The following PHC2 variants were observed in gnomAD, a reference collection of about 807,000 sequenced individuals.
The protein encoded by PHC2 is polyhomeotic homolog 2, also known as polyhomeotic-like protein 2.
A neutral mutation model predicts 87.4 loss-of-function variants in PHC2; 29 were observed. That is an observed-to-expected ratio of 0.33 (90% CI 0.25 to 0.45). PHC2 has a LOEUF of 0.45. Among genes scored for constraint, PHC2 ranks in the 20% least tolerant of loss-of-function variants. PHC2 has a pLI of 1.00. For missense variants in PHC2, 857 were observed against 1,136.7 expected, an observed-to-expected ratio of 0.75 and a Z score of 3.54; for synonymous variants, 438 against 461.7, an observed-to-expected ratio of 0.95 and a Z score of 0.66.
intron 1 of PHC2, among the ~76,000 whole-genome samples, chr1:33,406,956 C>T (rs1219543501): frequency 6.6e-6 from 1 of 152,206 alleles, no homozygotes; most frequent in Non-Finnish European, 1.5e-5. Flanking sequence ...CCCTATCTTG[C>T]ATATGATCTA....
In PHC2 at chr1:33,344,032, A is replaced by G. The variant is rs1465021522; in HGVS notation, c.1559-9740T>C. Among the ~76,000 whole-genome samples, 3 of 152,362 alleles carry G rather than the reference A, an allele frequency of 2.0e-5. No homozygotes were observed. In the East Asian group the frequency reaches 5.8e-4, roughly 29 times the overall value. ...AAGGGGGGTTTTAAGCAGACAGTGC[A>G]GAAGAACCCTAGAAACCAAAAGAAA... On this transcript the variant is annotated intron_variant, in intron 9 of 14. Coordinates refer to ENST00000683057, the MANE Select transcript of PHC2 (RefSeq NM_001385109.1).
chr1:33,364,359 GACAC>G lies in PHC2; in HGVS notation c.976+2753_976+2756del, dbSNP rs34902529. Among the ~76,000 whole-genome samples the G allele has an allele frequency of 0.022, 3,189 of 145,656 alleles. 87 individuals carry two copies. Among genetic ancestry groups the G allele is most frequent in the African/African-American group, 0.069 (2,712 of 39,050 alleles). On this transcript the variant is annotated intron_variant, in intron 7 of 14. Transcript: ENST00000683057. This position sits in a 1 kb window ranked among gnomAD's most constrained non-coding sequence, Gnocchi z 4.1. ...GCGCTCGCTTGCTTTCTCTCTCCCA[GACAC>G]ACACACACACACACACACACTTGCT...
At chr1:33,413,292 G>C (rs6672188) in intron 1 of PHC2, among the ~76,000 whole-genome samples, 73,186 of 152,062 alleles carry the variant, frequency 0.48, 18,986 homozygotes, top group South Asian at 0.62. Flanking sequence ...TTATAACCAA[G>C]GTTGTCTGTA....
At chr1:33,362,855 T>A (rs1404989692) in intron 7 of PHC2, among the ~76,000 whole-genome samples, 4 of 152,218 alleles carry the variant, frequency 2.6e-5, no homozygotes, top group Non-Finnish European at 5.9e-5. Context: ...TTCAGCATAA[T>A]GTTTGGCACA....
chr1:33,358,895 T>A (rs544576780), intron 7 of PHC2: 1 of 152,286 alleles, frequency 6.6e-6, no homozygotes, highest in African/African-American at 2.4e-5. Flanking sequence ...GAGATGACAA[T>A]CAGGCCGCTT....
chr1:33,349,913 C>G lies in PHC2; in HGVS notation c.1558+4488G>C, dbSNP rs1381966046. 1.0e-6 allele frequency: 1 copy of G among 955,698 alleles called. No homozygotes were observed. The highest frequency in any genetic ancestry group is 6.4e-5 in the Admixed American group (1 of 15,550). The allele number at this position is 955,698 out of a possible 1,614,324, so 59.2% of individuals were successfully genotyped here. A position where few individuals can be genotyped will look rare whatever the true frequency, so the allele number is the denominator to read the frequency against. On this transcript the variant is annotated intron_variant, in intron 9 of 14. Coordinates refer to ENST00000683057, the MANE Select transcript of PHC2 (RefSeq NM_001385109.1). The surrounding 1 kb of genome is among the most constrained non-coding windows in gnomAD (Gnocchi z 4.2). ...CGGAGACAATGCGGCGAGTCTGGGA[C>G]GGCTCCCGCGGCCGCCTCCGCCGGG...
chr1:33,399,090 C>T (rs1649410235), intron 1 of PHC2, among the ~76,000 whole-genome samples: 1 of 152,078 alleles, frequency 6.6e-6, no homozygotes, highest in African/African-American at 2.4e-5. Context: ...TAGAACAAAA[C>T]AGTGTGTGGG....
chr1:33,425,239 A>C (rs1650619912), intron 1 of PHC2, among the ~76,000 whole-genome samples: 1 of 152,224 alleles, frequency 6.6e-6, no homozygotes, highest in Admixed American at 6.5e-5. Context: ...AGAAGTCTTC[A>C]CTGGAGTAGA....
At chr1:33,348,822 C>A (rs1646896792) in intron 9 of PHC2, among the ~76,000 whole-genome samples, 1 of 151,962 alleles carries the variant, frequency 6.6e-6, no homozygotes, top group African/African-American at 2.4e-5. Flanking sequence ...TGTTCAGAAC[C>A]GAAAGTATGT....
Position 33,375,481 on chromosome 1 carries a change from G to A in PHC2, c.59C>T (p.Thr20Ile), listed in dbSNP as rs750784189. Residue 20 changes from threonine to isoleucine, a missense_variant, in exon 2 of 15, where the codon ACC becomes ATC. Physicochemically the swap from Thr to Ile is moderately conservative, Grantham distance 89. This residue lies in a region of PHC2 where 832 missense variants were observed against 1,081.8 expected (regional missense o/e 0.77). Coordinates refer to ENST00000683057, the MANE Select transcript of PHC2 (RefSeq NM_001385109.1). ...GCCACTGCTGCTACTGGCCCCGCTG[G>A]TACTGCTGGTGGCACAGGCACTGCT... ...TSSSACATSS[T>I]SGASSSSGCN... 26 of 1,611,522 alleles carry A rather than the reference G, an allele frequency of 1.6e-5. No homozygotes were observed. The highest frequency in any genetic ancestry group is 1.6e-4 in the Middle Eastern group (1 of 6,072).
In PHC2 at chr1:33,349,260, C is replaced by CGGTG. The variant is rs1570469950; in HGVS notation, c.1558+5140_1558+5141insCACC. On this transcript the variant is annotated intron_variant, in intron 9 of 14. Transcript: ENST00000683057. This position sits in a 1 kb window ranked among gnomAD's most constrained non-coding sequence, Gnocchi z 4.2. ...AGATGCCAGCAGTCTCGTCCCCGAA[C>CGGTG]GCACCGTCCGTCCCAGGGAAGTCGC... The CGGTG allele has an allele frequency of 1.0e-6, 1 of 985,166 alleles. No individual in the cohort carries two copies. The highest frequency in any genetic ancestry group is 1.1e-4 in the East Asian group (1 of 8,784). 61.0% of individuals were successfully genotyped at this position (985,166 alleles called of 1,614,324 possible). A position where few individuals can be genotyped will look rare whatever the true frequency, so the allele number is the denominator to read the frequency against.
intron 9 of PHC2, among the ~76,000 whole-genome samples, chr1:33,351,840 T>A (rs1356879763): frequency 6.6e-6 from 1 of 151,136 alleles, no homozygotes; most frequent in Non-Finnish European, 1.5e-5. Context: ...TAATCCCAGC[T>A]ACTCGGGAGG....
At chr1:33,346,248 G>GGGGGGGGTGGGC in intron 9 of PHC2, 1 of 284,162 alleles carries the variant, frequency 3.5e-6, no homozygotes, top group Non-Finnish European at 5.1e-6. Context: ...GGGAGGGTGG[G>GGGGGGGGTGGGC]CAGGCTCAGA....
intron 6 of PHC2, among the ~76,000 whole-genome samples, chr1:33,367,911 C>T (rs915837189): frequency 4.6e-5 from 7 of 152,212 alleles, no homozygotes; most frequent in African/African-American, 1.4e-4. Context: ...TCTTCCAAGA[C>T]GGCCGGCATG....
At chr1:33,386,386 G>T (rs1305422905) in intron 1 of PHC2, among the ~76,000 whole-genome samples, 1 of 151,566 alleles carries the variant, frequency 6.6e-6, no homozygotes, top group African/African-American at 2.4e-5. Flanking sequence ...CGTGGTAGTG[G>T]GCGCCTATAA....
rs1005075503 is a variant in PHC2 at position 33,424,071 on chromosome 1, C to G, written c.-55+6905G>C. Among the ~76,000 whole-genome samples the G allele has an allele frequency of 2.8e-5, 4 of 142,538 alleles. No individual in the cohort carries two copies. In the South Asian group the frequency reaches 6.5e-4, roughly 23 times the overall value. The allele number at this position is 142,538 out of a possible 152,430, so 93.5% of individuals were successfully genotyped here. A position where few individuals can be genotyped will look rare whatever the true frequency, so the allele number is the denominator to read the frequency against. ...CAAGATTGCACCACTGCACTCCAGC[C>G]AGGTCGACAGAACGAGACTCCGTCT... On this transcript the variant is annotated intron_variant, in intron 1 of 14. Transcript: ENST00000683057.
chr1:33,399,005 A>G (rs910242664), intron 1 of PHC2, among the ~76,000 whole-genome samples: 2 of 152,236 alleles, frequency 1.3e-5, no homozygotes, highest in African/African-American at 2.4e-5. Context: ...GGAGTTTTAC[A>G]GTATTGGAAG....
chr1:33,395,205 T>C (rs1016737220), intron 1 of PHC2, among the ~76,000 whole-genome samples: 6 of 152,096 alleles, frequency 3.9e-5, no homozygotes, highest in African/African-American at 1.2e-4. Flanking sequence ...CAAGGGTACA[T>C]ACTACATGGT....
Position 33,367,192 on chromosome 1 carries a change from C to T in PHC2, c.900G>A (p.Val300=). The T allele has an allele frequency of 6.2e-7, 1 of 1,614,226 alleles. No homozygotes were observed. Among genetic ancestry groups the T allele is most frequent in the Non-Finnish European group, 8.5e-7 (1 of 1,180,036 alleles). ...CAGCCCGGCCTTCCATGCTCCCTGG[C>T]ACACTGCTGTTGCCATCTCCTTTCT... ...PHKKGDGNSS[V]PGSMEGRAGL... is the part of the protein sequence containing the mutation. Residue 300 remains valine, a synonymous_variant, in exon 7 of 15, where the codon GTG becomes GTA. Coordinates refer to ENST00000683057, the MANE Select transcript of PHC2 (RefSeq NM_001385109.1).
Sources: gnomAD v4.1 joint callset for allele counts (sites outside exome capture counted in the v4.1 genomes callset) on GRCh38, gnomAD v4.1.1 for gene constraint, gnomAD v4.1.1 regional missense constraint, Gnocchi (gnomAD v3.1) non-coding constraint, MANE v1.5 for transcripts, NCBI Gene and HGNC (gene_info 2026-07-23, HGNC 2026-07-21) for gene names.